The following GXYLT1 variants were observed in gnomAD, a reference collection of about 807,000 sequenced individuals.
GXYLT1 encodes the protein glucoside xylosyltransferase 1, also known as glycosyltransferase 8 domain containing 3.
Under a neutral mutation model 54.0 loss-of-function variants are expected in GXYLT1, and 29 were observed. That is an observed-to-expected ratio of 0.54 (90% CI 0.40 to 0.73). The LOEUF is 0.73. Ranked by LOEUF, GXYLT1 falls within the 30% of genes least tolerant of loss-of-function variation. GXYLT1 has a pLI of 0.00. For missense variants in GXYLT1, 490 were observed against 553.4 expected (o/e 0.89, Z 1.15); for synonymous variants, 176 against 204.1 (o/e 0.86, Z 1.17).
At chr12:42,088,505 G>T (rs2065310488) in intron 7 of GXYLT1, among the ~76,000 whole-genome samples, 1 of 152,102 alleles carries the variant, frequency 6.6e-6, no homozygotes, top group South Asian at 2.1e-4. Flanking sequence ...ATTCAGACTA[G>T]CACAGGAAAA....
intron 7 of GXYLT1, among the ~76,000 whole-genome samples, chr12:42,095,511 G>C (rs1445989525): frequency 6.6e-6 from 1 of 151,678 alleles, no homozygotes; most frequent in African/African-American, 2.4e-5. Flanking sequence ...TATACACTAA[G>C]CTACCTTTTG....
chr12:42,139,313 TTAATA>T (rs1355942449), intron 1 of GXYLT1, among the ~76,000 whole-genome samples: 1 of 152,210 alleles, frequency 6.6e-6, no homozygotes. Flanking sequence ...CTAGTATTTA[TTAATA>T]TGTGTCAGGT....
At position 42,117,268 on chromosome 12, in the gene GXYLT1, T is replaced by TA. The variant is rs552212574; in HGVS notation, c.486+1731dup. On this transcript the variant is annotated intron_variant, in intron 3 of 7. Transcript: ENST00000398675. Reference sequence around the variant, plus strand: ...CATCATGCACATGTACCCTAAAACTTAAAGTATAATAATAATAAAATTTAA... The same window carrying TA: ...CATCATGCACATGTACCCTAAAACTTAAAAGTATAATAATAATAAAATTTAA... Among the ~76,000 whole-genome samples, 532 of 151,672 alleles carry TA rather than the reference T, an allele frequency of 3.5e-3. 1 individual carries two copies. The highest frequency in any genetic ancestry group is 6.1e-3 in the Non-Finnish European group (413 of 67,930).
At chr12:42,121,889 C>T (rs143526118) in intron 2 of GXYLT1, among the ~76,000 whole-genome samples, 43 of 152,196 alleles carry the variant, frequency 2.8e-4, no homozygotes, top group Admixed American at 2.3e-3. Context: ...ATGTCTCTGA[C>T]AACCACCCTA....
At chr12:42,109,522 TTAAA>T in intron 4 of GXYLT1, 40 bp downstream of exon 4, 8 of 1,301,420 alleles carry the variant, frequency 6.1e-6, no homozygotes, top group East Asian at 6.1e-5. Context: ...AGGTTCAAAT[TTAAA>T]AAAAAAAAAA....
chr12:42,114,087 C>T (rs2065476947), intron 3 of GXYLT1, among the ~76,000 whole-genome samples: 1 of 152,130 alleles, frequency 6.6e-6, no homozygotes, highest in African/African-American at 2.4e-5. Context: ...CCAACCAGAA[C>T]AAAGACACAA....
chr12:42,098,170 C>T, intron 5 of GXYLT1, 137 bp from the exon 6 acceptor site: 1 of 752,500 alleles, frequency 1.3e-6, no homozygotes, highest in South Asian at 1.7e-5. Context: ...TATCAAGTGA[C>T]ATTTCTAACC....
chr12:42,111,343 C>A (rs1052699860), intron 3 of GXYLT1, among the ~76,000 whole-genome samples: 12 of 152,204 alleles, frequency 7.9e-5, no homozygotes, highest in Non-Finnish European at 1.6e-4. Flanking sequence ...TCGCCTCACC[C>A]GGGAAGAGCA....
rs1370509396 is a variant in GXYLT1, at chr12:42,105,202, G to A, written c.864+616C>T. On this transcript the variant is annotated intron_variant, in intron 5 of 7. Coordinates refer to ENST00000398675, the MANE Select transcript of GXYLT1 (RefSeq NM_173601.2). ...CTGGTAAATATTAGTACATACTGAT[G>A]AAGTCTAAATGCACATTCAGAGAAT... Among the ~76,000 whole-genome samples, 5 of 152,196 alleles carry A rather than the reference G, an allele frequency of 3.3e-5. No individual in the cohort carries two copies. In the South Asian group the frequency reaches 6.2e-4, roughly 19 times the overall value.
intron 7 of GXYLT1, among the ~76,000 whole-genome samples, chr12:42,089,560 GACAATGAA>G (rs1358334339): frequency 6.6e-6 from 1 of 152,124 alleles, no homozygotes; most frequent in Admixed American, 6.5e-5. Flanking sequence ...ATCTCCATCT[GACAATGAA>G]ACAACGAAGG....
chr12:42,113,088 T>A (rs1422248910), intron 3 of GXYLT1, among the ~76,000 whole-genome samples: 3 of 150,444 alleles, frequency 2.0e-5, no homozygotes, highest in African/African-American at 7.5e-5. Flanking sequence ...TGCTGAGAGA[T>A]TTTGTCACCA....
chr12:42,141,986 C>T (rs910211032), intron 1 of GXYLT1, among the ~76,000 whole-genome samples: 5 of 152,106 alleles, frequency 3.3e-5, no homozygotes, highest in South Asian at 2.1e-4. Context: ...TAAGATCTGA[C>T]CAATGGAACT....
Position 42,103,062 on chromosome 12 carries a change from G to C in GXYLT1, c.864+2756C>G, listed in dbSNP as rs145265424. On this transcript the variant is annotated intron_variant, in intron 5 of 7. Coordinates refer to ENST00000398675, the MANE Select transcript of GXYLT1 (RefSeq NM_173601.2). The stretch of plus-strand genomic sequence containing the variant: ...TGCAACCTCTGCCTCCCTGGTTCAA[G>C]CAATTCTGTCTCAGCCTCCCAAGTA... Among the ~76,000 whole-genome samples, 990 of 152,018 alleles carry C rather than the reference G, an allele frequency of 6.5e-3. 40 individuals are homozygous for C. The East Asian group carries it at 0.089, about 14-fold the overall frequency.
intron 7 of GXYLT1, among the ~76,000 whole-genome samples, chr12:42,096,525 T>C (rs1156669696): frequency 6.6e-6 from 1 of 152,198 alleles, no homozygotes; most frequent in African/African-American, 2.4e-5. Context: ...GGGTTCATAC[T>C]GATTATATAA....
chr12:42,112,813 A>G (rs1438752524), intron 3 of GXYLT1, among the ~76,000 whole-genome samples: 2 of 151,042 alleles, frequency 1.3e-5, no homozygotes, highest in Non-Finnish European at 2.9e-5. Flanking sequence ...ACTCCTCAAG[A>G]AGAGCAACTC....
chr12:42,097,624 G>C lies in GXYLT1; in HGVS notation c.989-10C>G. On this transcript the variant is annotated splice_polypyrimidine_tract_variant and intron_variant, in intron 6 of 7. Coordinates refer to ENST00000398675, the MANE Select transcript of GXYLT1 (RefSeq NM_173601.2). ...AAAACAAAAAGGCTTTCTACATAAAGAAAAGACCAAACAATGAAGCAAATA... is the reference window on the plus strand; with the variant it reads ...AAAACAAAAAGGCTTTCTACATAAACAAAAGACCAAACAATGAAGCAAATA... 1.3e-6 allele frequency: 2 copies of C among 1,598,598 alleles called. No individual in the cohort carries two copies. Among genetic ancestry groups the C allele is most frequent in the Non-Finnish European group, 1.7e-6 (2 of 1,175,194 alleles).
intron 5 of GXYLT1, among the ~76,000 whole-genome samples, chr12:42,104,077 G>C (rs1383156511): frequency 6.6e-6 from 1 of 152,130 alleles, no homozygotes; most frequent in Non-Finnish European, 1.5e-5. Context: ...TTTTTCTGTA[G>C]AGACTGTTCT....
intron 2 of GXYLT1, among the ~76,000 whole-genome samples, chr12:42,127,767 T>G (rs1160857651): frequency 6.6e-6 from 1 of 152,260 alleles, no homozygotes; most frequent in Non-Finnish European, 1.5e-5. Flanking sequence ...GTCAATACTA[T>G]ATTCATTTGC....
chr12:42,125,573 CAG>C (rs1378239211), intron 2 of GXYLT1, among the ~76,000 whole-genome samples: 2 of 152,046 alleles, frequency 1.3e-5, no homozygotes, highest in African/African-American at 4.8e-5. Context: ...CAGAGGCTAA[CAG>C]AGCTGACAGA....
Sources: gnomAD v4.1 joint callset for allele counts (sites outside exome capture counted in the v4.1 genomes callset) on GRCh38, gnomAD v4.1.1 for gene constraint, MANE v1.5 for transcripts, NCBI Gene and HGNC (gene_info 2026-07-23, HGNC 2026-07-21) for gene names.